Variants in SHANK2 observed in about 807,000 individuals in gnomAD.
SHANK2 encodes the protein SH3 and multiple ankyrin repeat domains 2, also known as SH3 and multiple ankyrin repeat domains protein 2.
A neutral mutation model predicts 133.7 loss-of-function variants in SHANK2; 43 were observed. The ratio of observed to expected loss-of-function variants is 0.32; its 90% CI spans 0.25 to 0.41. The LOEUF (loss-of-function observed/expected upper bound fraction) is 0.41. Among genes scored for constraint, SHANK2 ranks in the 10% least tolerant of loss-of-function variants. The pLI, the probability that SHANK2 is intolerant of heterozygous loss-of-function variation, is 1.00. For missense variants in SHANK2, 1,994 were observed against 2,235.8 expected, an observed-to-expected ratio of 0.89 and a Z score of 2.18; for synonymous variants, 1,017 against 952.8, an observed-to-expected ratio of 1.07 and a Z score of -1.24.
intron 12 of SHANK2, among the ~76,000 whole-genome samples, chr11:70,813,596 G>A (rs1034826839): frequency 1.2e-4 from 18 of 152,052 alleles, no homozygotes; most frequent in African/African-American, 3.6e-4. Flanking sequence ...TACGGCTCAC[G>A]CAGAAGATGG....
At chr11:71,100,097 T>C (rs555870354) in intron 6 of SHANK2, among the ~76,000 whole-genome samples, 21 of 146,436 alleles carry the variant, frequency 1.4e-4, no homozygotes, top group African/African-American at 5.3e-4. Flanking sequence ...ATGATGAAAA[T>C]CTAGAACACT....
intron 14 of SHANK2, among the ~76,000 whole-genome samples, chr11:70,758,605 C>A (rs903792973): frequency 4.6e-5 from 7 of 152,198 alleles, no homozygotes; most frequent in African/African-American, 1.7e-4. Flanking sequence ...GGTCAAGGAA[C>A]AAGAGGCTTG....
At chr11:70,637,111 G>A (rs1453626404) in intron 17 of SHANK2, among the ~76,000 whole-genome samples, 1 of 151,946 alleles carries the variant, frequency 6.6e-6, no homozygotes, top group African/African-American at 2.4e-5. Context: ...CTGTGTGTAT[G>A]TGCACGTGTG....
intron 14 of SHANK2, among the ~76,000 whole-genome samples, chr11:70,736,580 C>T (rs181198074): frequency 5.9e-5 from 9 of 152,260 alleles, no homozygotes; most frequent in South Asian, 2.1e-4. Flanking sequence ...AGGAGGTGGA[C>T]GAGGCAGGAA....
At chr11:71,206,729 C>A (rs1471730662) in intron 2 of SHANK2, among the ~76,000 whole-genome samples, 2 of 152,110 alleles carry the variant, frequency 1.3e-5, no homozygotes, top group African/African-American at 4.8e-5. Flanking sequence ...CGAGGCCAGG[C>A]ATTTGAGACC....
chr11:70,665,350 A>T (rs1555014620), intron 15 of SHANK2, among the ~76,000 whole-genome samples: 2 of 151,590 alleles, frequency 1.3e-5, no homozygotes, highest in East Asian at 3.9e-4. Context: ...TGTGTTGCCC[A>T]TGATGGTCTT....
At chr11:70,656,782 T>C (rs782091036) in intron 17 of SHANK2, among the ~76,000 whole-genome samples, 4 of 152,196 alleles carry the variant, frequency 2.6e-5, no homozygotes, top group Non-Finnish European at 4.4e-5. Context: ...GATCTGGAGA[T>C]AGCTCAAAGC....
intron 15 of SHANK2, among the ~76,000 whole-genome samples, chr11:70,689,660 A>C (rs1431073109): frequency 6.6e-6 from 1 of 152,210 alleles, no homozygotes; most frequent in African/African-American, 2.4e-5. Flanking sequence ...TAATGAGAAA[A>C]AGATCAATTC....
intron 2 of SHANK2, among the ~76,000 whole-genome samples, chr11:71,154,936 T>C (rs1590967671): frequency 4.0e-5 from 2 of 49,612 alleles, no homozygotes; most frequent in Non-Finnish European, 3.7e-5. Context: ...CCGCCCACGC[T>C]CCCAGAGGAG....
intron 14 of SHANK2, among the ~76,000 whole-genome samples, chr11:70,751,625 T>C (rs1555037431): frequency 2.0e-5 from 3 of 152,228 alleles, no homozygotes; most frequent in Non-Finnish European, 4.4e-5. Context: ...ATACTTCACT[T>C]CTTACATTCT....
chr11:71,241,373 C>A (rs778449643), intron 1 of SHANK2, among the ~76,000 whole-genome samples: 1 of 152,164 alleles, frequency 6.6e-6, no homozygotes, highest in Non-Finnish European at 1.5e-5. Flanking sequence ...AAGCTTCCAG[C>A]GAGCGGGAAG....
At chr11:70,703,153 T>C (rs1398316111) in intron 14 of SHANK2, among the ~76,000 whole-genome samples, 6 of 152,200 alleles carry the variant, frequency 3.9e-5, no homozygotes, top group African/African-American at 1.2e-4. Flanking sequence ...TAGTTGGTGA[T>C]CCACTTACCA....
At chr11:70,602,624 T>C (rs2060515819) in intron 17 of SHANK2, among the ~76,000 whole-genome samples, 1 of 152,244 alleles carries the variant, frequency 6.6e-6, no homozygotes, top group East Asian at 1.9e-4. Flanking sequence ...GTAATTATAC[T>C]GGTGGCAACG....
chr11:70,594,362 C>T (rs566111764), intron 17 of SHANK2, among the ~76,000 whole-genome samples: 2 of 152,266 alleles, frequency 1.3e-5, no homozygotes, highest in Non-Finnish European at 2.9e-5. Flanking sequence ...GACCCAAATC[C>T]AAGAATATTC....
In SHANK2 at chr11:71,188,942, T is replaced by C. The variant is rs1397109231; in HGVS notation, c.-13+35755A>G. 6.6e-6 allele frequency among the ~76,000 whole-genome samples: 1 copy of C among 152,068 alleles called. No homozygotes were observed. Among genetic ancestry groups the C allele is most frequent in the African/African-American group, 2.4e-5 (1 of 41,412 alleles). ...CAATACAGCAGGAGCGGGCCCCAGC[T>C]CCACGGCCCCCCACTCCCACCTAGA... On this transcript the variant is annotated intron_variant, in intron 2 of 25. Transcript: ENST00000601538. The surrounding 1 kb of genome is among the most constrained non-coding windows in gnomAD (Gnocchi z 4.6).
intron 7 of SHANK2, among the ~76,000 whole-genome samples, chr11:71,093,920 C>T (rs993306415): frequency 2.0e-5 from 3 of 152,044 alleles, no homozygotes; most frequent in South Asian, 2.1e-4. Context: ...GATGCCTGGG[C>T]GTGCACCACC....
At chr11:71,087,556 A>T (rs937222029) in intron 8 of SHANK2, among the ~76,000 whole-genome samples, 1 of 152,304 alleles carries the variant, frequency 6.6e-6, no homozygotes, top group East Asian at 1.9e-4. Context: ...ACATGTCTGG[A>T]AAACACAAAT....
chr11:70,829,008 GC>G (rs1225309518), intron 11 of SHANK2, among the ~76,000 whole-genome samples: 2 of 152,234 alleles, frequency 1.3e-5, no homozygotes, highest in African/African-American at 4.8e-5. Flanking sequence ...GGCTGGTGAG[GC>G]CAGGATGGCC....
At chr11:70,865,105 AT>A (rs1555068734) in intron 11 of SHANK2, 1 of 152,054 alleles carries the variant, frequency 6.6e-6, no homozygotes, top group Non-Finnish European at 1.5e-5. Context: ...ATAAATATGT[AT>A]TTTTTACGAG....
Sources: gnomAD v4.1 joint callset for allele counts (sites outside exome capture counted in the v4.1 genomes callset) on GRCh38, gnomAD v4.1.1 for gene constraint, Gnocchi (gnomAD v3.1) non-coding constraint, MANE v1.5 for transcripts, NCBI Gene and HGNC (gene_info 2026-07-23, HGNC 2026-07-21) for gene names.